Variants in ZNF618 observed in about 807,000 individuals in gnomAD.
ZNF618 encodes the protein zinc finger protein 618, also known as neural precursor cell expressed, developmentally down-regulated 10.
Under a neutral mutation model 103.0 loss-of-function variants are expected in ZNF618, and 34 were observed. That is an observed-to-expected ratio of 0.33 (90% CI 0.25 to 0.44). The LOEUF is 0.44. Among genes scored for constraint, ZNF618 ranks in the 20% least tolerant of loss-of-function variants. The pLI is 1.00. For missense variants in ZNF618, 1,059 were observed against 1,295.4 expected (o/e 0.82, Z 2.80); for synonymous variants, 551 against 542.2 (o/e 1.02, Z -0.23).
At chr9:113,898,463 T>TG (rs1830234119) in intron 1 of ZNF618, among the ~76,000 whole-genome samples, 1 of 143,652 alleles carries the variant, frequency 7.0e-6, no homozygotes, top group Non-Finnish European at 1.5e-5. Context: ...TTTTAAGAGA[T>TG]GGGGTCTTGC....
intron 1 of ZNF618, among the ~76,000 whole-genome samples, chr9:113,898,860 A>G (rs1830269655): frequency 6.6e-6 from 1 of 152,192 alleles, no homozygotes; most frequent in African/African-American, 2.4e-5. Flanking sequence ...GGAAGTGCCC[A>G]GTGGTTTATG....
At chr9:114,042,682 A>C (rs564277081) in intron 13 of ZNF618, among the ~76,000 whole-genome samples, 3 of 152,120 alleles carry the variant, frequency 2.0e-5, no homozygotes, top group African/African-American at 4.8e-5. Context: ...AATTAAAAAT[A>C]AGCCATGCAT....
intron 1 of ZNF618, among the ~76,000 whole-genome samples, chr9:113,879,672 G>A (rs1253863271): frequency 6.6e-6 from 1 of 151,862 alleles, no homozygotes; most frequent in Non-Finnish European, 1.5e-5. Context: ...AATTGGACTT[G>A]GGGGTGGTAA....
chr9:113,916,093 TGTCTGTGTGA>T (rs1010231341), intron 1 of ZNF618, among the ~76,000 whole-genome samples: 12 of 152,136 alleles, frequency 7.9e-5, no homozygotes, highest in South Asian at 4.2e-4. Flanking sequence ...TGTGTGTGTG[TGTCTGTGTGA>T]CTGTGTGTGT....
intron 1 of ZNF618, among the ~76,000 whole-genome samples, chr9:113,936,509 G>C (rs1048320869): frequency 6.6e-6 from 1 of 152,228 alleles, no homozygotes; most frequent in African/African-American, 2.4e-5. Flanking sequence ...GCACAGGAGT[G>C]GGGACCTTCT....
intron 13 of ZNF618, among the ~76,000 whole-genome samples, chr9:114,047,322 G>A (rs770330227): frequency 2.6e-5 from 4 of 152,256 alleles, no homozygotes; most frequent in Non-Finnish European, 4.4e-5. Context: ...TCTTATATCC[G>A]AGCTTCAGTT....
intron 12 of ZNF618, among the ~76,000 whole-genome samples, chr9:114,035,502 G>C (rs1844504004): frequency 6.6e-6 from 1 of 152,216 alleles, no homozygotes; most frequent in Non-Finnish European, 1.5e-5. Flanking sequence ...TCCCATTCAC[G>C]GTCGTCGGGC....
intron 10 of ZNF618, among the ~76,000 whole-genome samples, chr9:114,026,305 G>C (rs1419527636): frequency 6.6e-6 from 1 of 152,166 alleles, no homozygotes; most frequent in Non-Finnish European, 1.5e-5. Context: ...CAAGCGGGGT[G>C]GTCAGAGCAC....
rs1203282701 is a variant in ZNF618 at position 114,032,720 on chromosome 9, A to G, written c.1160A>G (p.Asn387Ser). The G allele has an allele frequency of 6.2e-7, 1 of 1,613,630 alleles. No individual in the cohort carries two copies. The highest frequency in any genetic ancestry group is 1.3e-5 in the African/African-American group (1 of 74,860). The change falls in exon 12 of 15, where the codon AAC becomes AGC. Residue 387 changes from asparagine (N) to serine (S), a missense_variant. Around this residue, in one of 6 missense-constraint regions of ZNF618, gnomAD observed 434 missense variants for 476.0 expected, o/e 0.91. Transcript: ENST00000374126. ...HFEETNSSSQ[N>S]SSEPYTCGAC... ...GAAGAGACGAACAGCAGTTCGCAGA[A>G]CTCCAGCGGTGAGTGTGCCCCTTGA...
chr9:113,983,663 C>G (rs193297378), intron 2 of ZNF618, among the ~76,000 whole-genome samples: 2 of 152,306 alleles, frequency 1.3e-5, no homozygotes, highest in East Asian at 3.9e-4. Flanking sequence ...AAAAGACATT[C>G]CCCTGTGCCT....
intron 3 of ZNF618, among the ~76,000 whole-genome samples, chr9:113,994,428 CCAGGCGCG>C (rs1840365264): frequency 6.6e-6 from 1 of 152,220 alleles, no homozygotes; most frequent in South Asian, 2.1e-4. Context: ...GGCCACCCTC[CCAGGCGCG>C]TCCTGTCTCT....
At position 114,049,232 on chromosome 9, in the gene ZNF618, G is replaced by A. The variant is rs1204318811; in HGVS notation, c.1930G>A (p.Val644Met). The part of the protein sequence containing the change: ...RCSACALNSV[V>M]QSVLSKRTLQ... ...CTCAGCCTGTGCCTTGAACTCGGTG[G>A]TGCAGAGCGTGCTGAGCAAGCGGAC... The change falls in exon 15 of 15, where the codon GTG (valine) becomes ATG (methionine). Residue 644 changes from valine to methionine, a missense_variant. Physicochemically the swap from Val to Met is conservative, Grantham distance 21. Around this residue, in one of 6 missense-constraint regions of ZNF618, gnomAD observed 272 missense variants for 380.1 expected, o/e 0.72. Coordinates refer to ENST00000374126, the MANE Select transcript of ZNF618 (RefSeq NM_001318042.2). 10 of 1,613,360 alleles carry A rather than the reference G, an allele frequency of 6.2e-6. No individual in the cohort carries two copies. The highest frequency in any genetic ancestry group is 1.1e-5 in the South Asian group (1 of 91,078).
Position 113,876,371 on chromosome 9 carries a change from G to C in ZNF618, c.-10G>C. On this transcript the variant is annotated 5_prime_UTR_variant, in exon 1 of 15. Transcript: ENST00000374126. The stretch of plus-strand genomic sequence containing the variant: ...GGACGCGCCGGGGCCGCCTCCTCCC[G>C]CACGGACCCATGAACCAGCCGGGCG... 8.4e-7 allele frequency: 1 copy of C among 1,194,438 alleles called. No homozygotes were observed. 74.0% of individuals were successfully genotyped at this position (1,194,438 alleles called of 1,614,324 possible).
chr9:114,045,618 T>C (rs889460298), intron 13 of ZNF618, among the ~76,000 whole-genome samples: 1 of 152,092 alleles, frequency 6.6e-6, no homozygotes, highest in Non-Finnish European at 1.5e-5. Context: ...TTAATTACTA[T>C]AGCTTTGTAG....
intron 1 of ZNF618, among the ~76,000 whole-genome samples, chr9:113,960,761 TC>T (rs1244710053): frequency 6.6e-6 from 1 of 152,188 alleles, no homozygotes; most frequent in African/African-American, 2.4e-5. Context: ...ACATTTCTGT[TC>T]CATGGAGCAT....
intron 13 of ZNF618, among the ~76,000 whole-genome samples, chr9:114,043,941 T>G (rs1293387846): frequency 6.6e-6 from 1 of 152,260 alleles, no homozygotes; most frequent in African/African-American, 2.4e-5. Flanking sequence ...TCATAGATTC[T>G]GGATATTAGT....
chr9:114,008,550 G>A lies in ZNF618; in HGVS notation c.750G>A (p.Gly250=). Reference sequence around the variant, plus strand: ...CCCCGGAGCCATTCCAGAAAATCGGGCCAAGTATGCGGGATTCCCTCTGGG... The same window carrying A: ...CCCCGGAGCCATTCCAGAAAATCGGACCAAGTATGCGGGATTCCCTCTGGG... ...EEPPEPFQKI[G]PKTGNYTCEF... Residue 250 remains glycine, a synonymous_variant, in exon 9 of 15, where the codon GGG becomes GGA. Coordinates refer to ENST00000374126, the MANE Select transcript of ZNF618 (RefSeq NM_001318042.2). 4 of 1,613,918 alleles carry A rather than the reference G, an allele frequency of 2.5e-6. 1 individual carries two copies. The South Asian group carries it at 4.4e-5, about 18-fold the overall frequency.
At chr9:113,882,241 G>A (rs1483316024) in intron 1 of ZNF618, among the ~76,000 whole-genome samples, 1 of 152,190 alleles carries the variant, frequency 6.6e-6, no homozygotes, top group Non-Finnish European at 1.5e-5. Context: ...TGGGTTTGAG[G>A]TCTGCCAGAC....
chr9:113,903,719 T>G (rs762149117), intron 1 of ZNF618, among the ~76,000 whole-genome samples: 1 of 152,180 alleles, frequency 6.6e-6, no homozygotes, highest in Non-Finnish European at 1.5e-5. Context: ...GGTTTTTTGT[T>G]TGTTTCTTTC....
Sources: allele counts gnomAD v4.1 joint callset (sites outside exome capture counted in the v4.1 genomes callset), GRCh38; gene constraint gnomAD v4.1.1; regional missense constraint gnomAD v4.1.1; transcripts MANE v1.5; gene names NCBI Gene and HGNC (gene_info 2026-07-23, HGNC 2026-07-21).